Variants in HGSNAT observed in about 807,000 individuals in gnomAD.
The protein encoded by HGSNAT is transmembrane protein 76.
A neutral mutation model predicts 85.2 loss-of-function variants in HGSNAT; 59 were observed. The observed-to-expected ratio is 0.69, with a 90% CI of 0.56 to 0.86. HGSNAT has a LOEUF of 0.86. Ranked by LOEUF, HGSNAT falls within the 40% of genes least tolerant of loss-of-function variation. The probability of loss-of-function intolerance (pLI) is 0.00; values close to 1 mark genes in which losing one functional copy is unlikely to be tolerated. For synonymous variants in HGSNAT, 321 were observed against 304.5 expected (o/e 1.05, Z -0.56); for missense variants, 756 against 777.1 (o/e 0.97, Z 0.32).
At chr8:43,192,737 A>G (rs1183203245) in intron 13 of HGSNAT, among the ~76,000 whole-genome samples, 1 of 151,948 alleles carries the variant, frequency 6.6e-6, no homozygotes, top group East Asian at 1.9e-4. Flanking sequence ...AGCCTGTGCA[A>G]TAGTGAGACC....
chr8:43,169,123 A>G (rs1803530627), intron 5 of HGSNAT, 50 bp from the exon 6 acceptor site: 1 of 1,151,538 alleles, frequency 8.7e-7, no homozygotes, highest in Non-Finnish European at 1.2e-6. Flanking sequence ...AATCATTTAA[A>G]AAATTCTGCC....
intron 9 of HGSNAT, among the ~76,000 whole-genome samples, chr8:43,177,170 A>G (rs1232328928): frequency 6.6e-6 from 1 of 152,190 alleles, no homozygotes; most frequent in Non-Finnish European, 1.5e-5. Flanking sequence ...AGAGACACCA[A>G]GGAATGCAGC....
At chr8:43,149,738 G>T (rs897076849) in intron 2 of HGSNAT, among the ~76,000 whole-genome samples, 2 of 151,852 alleles carry the variant, frequency 1.3e-5, no homozygotes, top group Non-Finnish European at 2.9e-5. Context: ...TTAAGCAGAT[G>T]TAGATTATAG....
chr8:43,189,736 C>T (rs534280345), intron 11 of HGSNAT, among the ~76,000 whole-genome samples: 85 of 152,316 alleles, frequency 5.6e-4, no homozygotes, highest in South Asian at 1.0e-3. Flanking sequence ...ATTCGGCCAT[C>T]TTGGAACCTC....
intron 2 of HGSNAT, among the ~76,000 whole-genome samples, chr8:43,156,432 C>T (rs560462932): frequency 3.3e-5 from 5 of 151,972 alleles, no homozygotes; most frequent in South Asian, 2.1e-4. Flanking sequence ...CAGCCTCCCA[C>T]GTAACTGGGA....
At chr8:43,192,283 A>G (rs934036213) in intron 12 of HGSNAT, 21 bp from the exon 13 acceptor site, 3 of 1,596,850 alleles carry the variant, frequency 1.9e-6, no homozygotes, top group Non-Finnish European at 2.6e-6. Context: ...TGTCATTTAC[A>G]TATGCTTTTC....
chr8:43,153,138 T>C (rs138289690), intron 2 of HGSNAT, among the ~76,000 whole-genome samples: 129 of 151,854 alleles, frequency 8.5e-4, no homozygotes, highest in African/African-American at 3.0e-3. Flanking sequence ...GCCATAATCG[T>C]TTATGTAGCC....
chr8:43,156,872 T>G (rs1451261917), intron 2 of HGSNAT, among the ~76,000 whole-genome samples: 1 of 152,180 alleles, frequency 6.6e-6, no homozygotes, highest in African/African-American at 2.4e-5. Flanking sequence ...ATAGAATACC[T>G]TTTTCCATCC....
intron 11 of HGSNAT, among the ~76,000 whole-genome samples, chr8:43,184,600 G>A (rs1361214966): frequency 5.9e-5 from 9 of 152,336 alleles, no homozygotes. Flanking sequence ...TGTTCACTCT[G>A]ATGGTAGTTT....
At chr8:43,148,796 GAAA>G (rs953905178) in intron 2 of HGSNAT, among the ~76,000 whole-genome samples, 1 of 113,992 alleles carries the variant, frequency 8.8e-6, no homozygotes, top group Non-Finnish European at 1.9e-5. Context: ...TCCGTCTCAA[GAAA>G]AAAAAAAAAA....
chr8:43,140,476 G>A lies in HGSNAT; in HGVS notation c.-21G>A, dbSNP rs1802473908. ...GGCGGGGCGCAGCGGGCAGGCAAGG[G>A]CGGCCGAGCGGGCGGCGGGCATGAG... On this transcript the variant is annotated 5_prime_UTR_variant, in exon 1 of 18. Transcript: ENST00000379644. The A allele has an allele frequency of 2.0e-6, 2 of 976,502 alleles. No individual in the cohort carries two copies. The highest frequency in any genetic ancestry group is 2.4e-6 in the Non-Finnish European group (2 of 820,222). The allele number at this position is 976,502 out of a possible 1,614,324, so 60.5% of individuals were successfully genotyped here. A position where few individuals can be genotyped will look rare whatever the true frequency, so the allele number is the denominator to read the frequency against.
intron 7 of HGSNAT, among the ~76,000 whole-genome samples, chr8:43,171,222 C>G (rs1234878453): frequency 2.0e-5 from 3 of 152,194 alleles, no homozygotes; most frequent in Non-Finnish European, 4.4e-5. Context: ...AATAAATACA[C>G]AGGTATCAGC....
At chr8:43,178,753 C>CCTTGGCCTT in intron 10 of HGSNAT, among the ~76,000 whole-genome samples, 1 of 149,718 alleles carries the variant, frequency 6.7e-6, no homozygotes, top group African/African-American at 2.5e-5. Context: ...GACCCTGCGG[C>CCTTGGCCTT]CTTGGCCTTC....
chr8:43,158,934 G>A lies in HGSNAT; in HGVS notation c.383G>A (p.Arg128Lys). Residue 128 changes from arginine to lysine, a missense_variant, in exon 4 of 18, where the codon AGA becomes AAA. Physicochemically the swap from Arg to Lys is conservative, Grantham distance 26. Transcript: ENST00000379644. The part of the protein sequence containing the change: ...EEKEVCRLEY[R>K]FGEFGNYSLL... ...CCTAATGTTTGTAGGTTGGAATACA[G>A]ATTTGGAGAATTTGGAAACTATTCT... 1 of 1,609,130 alleles carries A rather than the reference G, an allele frequency of 6.2e-7. No individual in the cohort carries two copies. Among genetic ancestry groups the A allele is most frequent in the Non-Finnish European group, 8.5e-7 (1 of 1,176,984 alleles).
chr8:43,191,428 A>G (rs1321168113), intron 11 of HGSNAT, 46 bp from the exon 12 acceptor site: 3 of 1,597,722 alleles, frequency 1.9e-6, no homozygotes, highest in Non-Finnish European at 2.6e-6. Context: ...GTTCCCTTCT[A>G]TTTGCATTTA....
Position 43,199,537 on chromosome 8 carries a change from C to A in HGSNAT, c.1876C>A (p.Leu626Ile). 6.3e-7 allele frequency: 1 copy of A among 1,575,024 alleles called. No homozygotes were observed. Among genetic ancestry groups the A allele is most frequent in the Non-Finnish European group, 8.6e-7 (1 of 1,160,118 alleles). Residue 626 changes from leucine (L) to isoleucine (I), a missense_variant, in exon 18 of 18, where the codon CTC (leucine) becomes ATC (isoleucine). Transcript: ENST00000379644. ...CCTCTGGGTGCTCATTGCCTACATC[C>A]TCTATAGAAAGAAGATTTTTTGGAA... ...TALWVLIAYI[L>I]YRKKIFWKI is the part of the protein sequence containing the mutation.
chr8:43,187,807 T>G (rs974816996), intron 11 of HGSNAT, among the ~76,000 whole-genome samples: 47 of 152,360 alleles, frequency 3.1e-4, no homozygotes, highest in African/African-American at 1.1e-3. Flanking sequence ...TGTTTAGTGC[T>G]TCCTTGAGGA....
At chr8:43,172,031 T>C (rs1462690417) in intron 7 of HGSNAT, among the ~76,000 whole-genome samples, 1 of 152,238 alleles carries the variant, frequency 6.6e-6, no homozygotes, top group Admixed American at 6.5e-5. Context: ...TATTTTGCAA[T>C]GTTTTCAAGT....
At chr8:43,141,220 C>T (rs1161880334) in intron 1 of HGSNAT, among the ~76,000 whole-genome samples, 2 of 152,134 alleles carry the variant, frequency 1.3e-5, no homozygotes, top group Non-Finnish European at 2.9e-5. Context: ...GCGCGGCCTG[C>T]AGCCCGGTCC....
Sources: gnomAD v4.1 joint callset for allele counts (sites outside exome capture counted in the v4.1 genomes callset) on GRCh38, gnomAD v4.1.1 for gene constraint, MANE v1.5 for transcripts, NCBI Gene and HGNC (gene_info 2026-07-23, HGNC 2026-07-21) for gene names.